HNF4G: variants seen among roughly 807,000 people sequenced by gnomAD.
The protein encoded by HNF4G is hepatocyte nuclear factor 4-gamma.
HNF4G carries 21 observed loss-of-function variants against 50.9 expected under a neutral mutation model. The observed-to-expected ratio is 0.41, with a 90% CI of 0.29 to 0.59. The LOEUF is 0.59. Ranked by LOEUF, HNF4G falls within the 20% of genes least tolerant of loss-of-function variation. HNF4G has a pLI of 0.26. For synonymous variants in HNF4G, 198 were observed against 185.6 expected, an observed-to-expected ratio of 1.07 and a Z score of -0.54; for missense variants, 527 against 559.4, an observed-to-expected ratio of 0.94 and a Z score of 0.58.
intron 2 of HNF4G, among the ~76,000 whole-genome samples, chr8:75,499,056 A>C (rs564644916): frequency 6.6e-6 from 1 of 152,048 alleles, no homozygotes; most frequent in Non-Finnish European, 1.5e-5. Context: ...AAGAAAGAAA[A>C]GGTGTCCAGA....
chr8:75,464,321 A>C (rs1314265815), intron 1 of HNF4G, among the ~76,000 whole-genome samples: 1 of 152,064 alleles, frequency 6.6e-6, no homozygotes, highest in Non-Finnish European at 1.5e-5. Context: ...ATACCATTCC[A>C]AATTTACTTG....
chr8:75,466,410 C>T (rs1431899500), intron 1 of HNF4G, among the ~76,000 whole-genome samples: 3 of 151,702 alleles, frequency 2.0e-5, no homozygotes, highest in Non-Finnish European at 2.9e-5. Flanking sequence ...CTGAATTTTA[C>T]CTTCTATGGC....
rs190241684 is a variant in HNF4G at position 75,515,361 on chromosome 8, T to C, written c.-24+25153T>C. On this transcript the variant is annotated intron_variant, in intron 2 of 10. Transcript: ENST00000354370. ...CTTTTCTAATCTAAGCACTTTGAAT[T>C]AGGCACGATTCTCCAGAGAAACAAC... Among the ~76,000 whole-genome samples, 399 of 152,320 alleles carry C rather than the reference T, an allele frequency of 2.6e-3. 1 individual carries two copies. Among genetic ancestry groups the C allele is most frequent in the Admixed American group, 5.2e-3 (79 of 15,302 alleles).
chr8:75,509,774 A>C (rs2130723075), intron 2 of HNF4G, among the ~76,000 whole-genome samples: 1 of 152,320 alleles, frequency 6.6e-6, no homozygotes, highest in Non-Finnish European at 1.5e-5. Flanking sequence ...TGCATTATTC[A>C]CATGTTTGTG....
At chr8:75,552,047 AAATT>A (rs1415930706) in intron 4 of HNF4G, among the ~76,000 whole-genome samples, 105 of 152,344 alleles carry the variant, frequency 6.9e-4, no homozygotes, top group African/African-American at 2.3e-3. Context: ...ACATAAAAAT[AAATT>A]ATTTAGTGTT....
chr8:75,500,062 C>T (rs925182196), intron 2 of HNF4G, among the ~76,000 whole-genome samples: 1 of 151,990 alleles, frequency 6.6e-6, no homozygotes, highest in Non-Finnish European at 1.5e-5. Flanking sequence ...CTTCAAAAGA[C>T]ATTATCAAGA....
At chr8:75,529,961 G>A (rs752823960) in intron 2 of HNF4G, among the ~76,000 whole-genome samples, 34 of 152,190 alleles carry the variant, frequency 2.2e-4, no homozygotes, top group Admixed American at 1.3e-3. Flanking sequence ...ATAAGCTGGC[G>A]GTAAGGCCAG....
At chr8:75,485,962 C>G (rs1812487976) in intron 1 of HNF4G, 1 of 152,204 alleles carries the variant, frequency 6.6e-6, no homozygotes, top group Non-Finnish European at 1.5e-5. Flanking sequence ...GACACAGATT[C>G]TACTGGCTGT....
chr8:75,532,444 A>C (rs1333089376), intron 2 of HNF4G, among the ~76,000 whole-genome samples: 1 of 152,082 alleles, frequency 6.6e-6, no homozygotes, highest in Non-Finnish European at 1.5e-5. Context: ...AAATATGTTC[A>C]ATGTTGAGTT....
At chr8:75,524,776 G>C (rs1252463272) in intron 2 of HNF4G, among the ~76,000 whole-genome samples, 2 of 152,162 alleles carry the variant, frequency 1.3e-5, no homozygotes, top group Non-Finnish European at 2.9e-5. Context: ...ACATAACTTG[G>C]TTATTGAATT....
At chr8:75,437,501 G>A (rs1054429616) in intron 1 of HNF4G, among the ~76,000 whole-genome samples, 2 of 152,104 alleles carry the variant, frequency 1.3e-5, no homozygotes, top group Non-Finnish European at 2.9e-5. Flanking sequence ...GGGGCAAGGG[G>A]CCTTAAACTA....
chr8:75,444,998 A>G (rs895259150), intron 1 of HNF4G, among the ~76,000 whole-genome samples: 2 of 150,308 alleles, frequency 1.3e-5, no homozygotes, highest in African/African-American at 4.9e-5. Context: ...ACCACACCAC[A>G]CCTATTCCAA....
intron 1 of HNF4G, among the ~76,000 whole-genome samples, chr8:75,439,448 T>C (rs887945736): frequency 6.6e-6 from 1 of 152,086 alleles, no homozygotes; most frequent in African/African-American, 2.4e-5. Context: ...TCTTCATTGA[T>C]AATATTGTTA....
At chr8:75,516,324 A>G (rs902179011) in intron 2 of HNF4G, among the ~76,000 whole-genome samples, 1 of 151,884 alleles carries the variant, frequency 6.6e-6, no homozygotes, top group Non-Finnish European at 1.5e-5. Context: ...TCTTTTACCT[A>G]CGGGTTATTT....
At chr8:75,448,406 G>A (rs1384510033) in intron 1 of HNF4G, among the ~76,000 whole-genome samples, 3 of 114,056 alleles carry the variant, frequency 2.6e-5, no homozygotes, top group African/African-American at 3.6e-5. Flanking sequence ...ATGTGCACAT[G>A]TACCCTAAAA....
intron 2 of HNF4G, among the ~76,000 whole-genome samples, chr8:75,491,098 AT>A (rs1385597583): frequency 6.6e-6 from 1 of 152,216 alleles, no homozygotes; most frequent in African/African-American, 2.4e-5. Context: ...TATGAGTTCT[AT>A]GACTTTAAGC....
At chr8:75,468,111 A>G (rs1563518313) in intron 1 of HNF4G, among the ~76,000 whole-genome samples, 2 of 152,098 alleles carry the variant, frequency 1.3e-5, no homozygotes, top group African/African-American at 2.4e-5. Flanking sequence ...TAAAAAGAAA[A>G]CCATTTTAAT....
intron 1 of HNF4G, among the ~76,000 whole-genome samples, chr8:75,464,908 A>T (rs1795233059): frequency 6.6e-6 from 1 of 152,210 alleles, no homozygotes; most frequent in Admixed American, 6.5e-5. Flanking sequence ...AGGAAGAACA[A>T]GAGAATATGT....
chr8:75,454,748 AT>A (rs1385079360), intron 1 of HNF4G, among the ~76,000 whole-genome samples: 2 of 152,160 alleles, frequency 1.3e-5, no homozygotes, highest in African/African-American at 2.4e-5. Flanking sequence ...ATTTCTCTTC[AT>A]TAAGCAGTCA....
Sources: gnomAD v4.1 joint callset for allele counts (sites outside exome capture counted in the v4.1 genomes callset) on GRCh38, gnomAD v4.1.1 for gene constraint, MANE v1.5 for transcripts, NCBI Gene and HGNC (gene_info 2026-07-23, HGNC 2026-07-21) for gene names.